The following NRG1 variants were observed in gnomAD, a reference collection of about 807,000 sequenced individuals.
The protein encoded by NRG1 is neuregulin 1.
NRG1 carries 18 observed loss-of-function variants against 63.8 expected under a neutral mutation model. The ratio of observed to expected loss-of-function variants is 0.28; its 90% CI spans 0.19 to 0.42. The LOEUF is 0.42. Ranked by LOEUF, NRG1 falls within the 10% of genes least tolerant of loss-of-function variation. The pLI is 1.00. For synonymous variants in NRG1, 302 were observed against 301.3 expected (o/e 1.00, Z -0.02); for missense variants, 762 against 814.7 (o/e 0.94, Z 0.79).
chr8:32,392,673 C>T (rs1373708180), intron 1 of NRG1, among the ~76,000 whole-genome samples: 1 of 152,156 alleles, frequency 6.6e-6, no homozygotes, highest in East Asian at 1.9e-4. Flanking sequence ...ATTTTAGGAT[C>T]TACTTGATAA....
intron 1 of NRG1, among the ~76,000 whole-genome samples, chr8:32,309,318 C>A (rs1403278156): frequency 1.3e-5 from 2 of 152,122 alleles, no homozygotes; most frequent in African/African-American, 2.4e-5. Context: ...TTTACACCCC[C>A]CCACCCCAAA....
At chr8:32,719,179 G>T (rs1212015104) in intron 5 of NRG1, among the ~76,000 whole-genome samples, 1 of 151,930 alleles carries the variant, frequency 6.6e-6, no homozygotes, top group Non-Finnish European at 1.5e-5. Flanking sequence ...TATCATTCTA[G>T]TTTTACAATA....
chr8:32,366,677 GTATATATATATATATATATATA>G (rs71208175), intron 1 of NRG1, among the ~76,000 whole-genome samples: 2 of 87,522 alleles, frequency 2.3e-5, no homozygotes, highest in East Asian at 3.5e-4. Context: ...GTGTGTGTGT[GTATATATATATATATATATATA>G]TATATATATA....
At position 31,796,459 on chromosome 8, in the gene NRG1, G is replaced by GTCTCGC. The variant is rs1366460348; in HGVS notation, c.37+157032_37+157037dup. The stretch of plus-strand genomic sequence containing the variant: ...TTTTTTTTTTTTTTTTTGAGATGGA[G>GTCTCGC]TCTCGCTCTGTCACCGAGGCTGGAG... On this transcript the variant is annotated intron_variant, in intron 1 of 10. Transcript: ENST00000519301. 7.1e-5 allele frequency among the ~76,000 whole-genome samples: 7 copies of GTCTCGC among 98,352 alleles called. 1 individual carries two copies. In the East Asian group the frequency reaches 1.3e-3, roughly 18 times the overall value. The allele number at this position is 98,352 out of a possible 152,430, so 64.5% of individuals were successfully genotyped here. A position where few individuals can be genotyped will look rare whatever the true frequency, so the allele number is the denominator to read the frequency against.
chr8:32,173,230 C>T (rs1397951425), intron 1 of NRG1, among the ~76,000 whole-genome samples: 1 of 152,066 alleles, frequency 6.6e-6, no homozygotes, highest in African/African-American at 2.4e-5. Flanking sequence ...ATTTCATATC[C>T]AGCCAAACTA....
At chr8:32,017,296 T>C (rs1563683767) in intron 1 of NRG1, among the ~76,000 whole-genome samples, 1 of 152,216 alleles carries the variant, frequency 6.6e-6, no homozygotes, top group Non-Finnish European at 1.5e-5. Context: ...AACTGTATTG[T>C]AGACTCGGAG....
chr8:32,414,959 T>C (rs975562259), intron 1 of NRG1, among the ~76,000 whole-genome samples: 1 of 152,134 alleles, frequency 6.6e-6, no homozygotes, highest in African/African-American at 2.4e-5. Flanking sequence ...ATCTCATCCA[T>C]GTCCTTCATT....
intron 5 of NRG1, among the ~76,000 whole-genome samples, chr8:32,696,143 T>C (rs1484784860): frequency 6.6e-6 from 1 of 152,200 alleles, no homozygotes; most frequent in Non-Finnish European, 1.5e-5. Flanking sequence ...CACTGATCTA[T>C]AATGTGAAGG....
Position 32,210,403 on chromosome 8 carries a change from A to G in NRG1, c.38-385425A>G, listed in dbSNP as rs148716505. ...GTTGAAGACTAAAAGGGAAAAAGCC[A>G]AACACCTTAGTATGCTGTAAAAACA... On this transcript the variant is annotated intron_variant, in intron 1 of 10. Coordinates refer to the NRG1 transcript ENST00000519301. Among the ~76,000 whole-genome samples the G allele has an allele frequency of 3.1e-3, 474 of 152,304 alleles. 1 individual carries two copies. The highest frequency in any genetic ancestry group is 0.024 in the South Asian group (115 of 4,826).
chr8:31,664,593 C>A (rs1806333902), intron 1 of NRG1, among the ~76,000 whole-genome samples: 1 of 152,128 alleles, frequency 6.6e-6, no homozygotes, highest in African/African-American at 2.4e-5. Context: ...GTCAGTATAC[C>A]TGAAACTTTA....
intron 1 of NRG1, among the ~76,000 whole-genome samples, chr8:32,300,721 G>A (rs1855486730): frequency 6.6e-6 from 1 of 152,196 alleles, no homozygotes. Context: ...CACGAGAGAT[G>A]CACATCAGGC....
chr8:32,158,461 A>ATATATATATATATATATATATATATATT (rs1838420092), intron 1 of NRG1, among the ~76,000 whole-genome samples: 1 of 131,688 alleles, frequency 7.6e-6, no homozygotes, highest in Admixed American at 8.2e-5. Flanking sequence ...ATATATATAT[A>ATATATATATATATATATATATATATATT]TATATATATA....
At chr8:31,939,452 G>A (rs1222600111) in intron 1 of NRG1, among the ~76,000 whole-genome samples, 1 of 151,046 alleles carries the variant, frequency 6.6e-6, no homozygotes, top group Non-Finnish European at 1.5e-5. Flanking sequence ...CACCAAAATA[G>A]AACCTCCTTA....
At chr8:31,660,554 T>TTATTATTTGCCC (rs1346592410) in intron 1 of NRG1, among the ~76,000 whole-genome samples, 1 of 152,222 alleles carries the variant, frequency 6.6e-6, no homozygotes, top group Non-Finnish European at 1.5e-5. Flanking sequence ...AAGGAGAGTC[T>TTATTATTTGCCC]TATTATTTGC....
intron 1 of NRG1, among the ~76,000 whole-genome samples, chr8:31,749,725 G>T (rs1816254610): frequency 2.0e-5 from 2 of 101,938 alleles, no homozygotes; most frequent in South Asian, 9.4e-4. Context: ...TACACTGAAG[G>T]TGATATATAT....
chr8:32,609,592 TTCC>T (rs1845971250), intron 3 of NRG1, among the ~76,000 whole-genome samples: 1 of 133,712 alleles, frequency 7.5e-6, no homozygotes, highest in Non-Finnish European at 1.6e-5. Flanking sequence ...CCTTCCTTCC[TTCC>T]TTCCTTCCTT....
intron 5 of NRG1, among the ~76,000 whole-genome samples, chr8:32,662,280 G>T (rs1337051415): frequency 2.0e-5 from 3 of 152,208 alleles, no homozygotes; most frequent in Non-Finnish European, 2.9e-5. Context: ...CCATATGGAA[G>T]AATGTTCCAG....
intron 1 of NRG1, among the ~76,000 whole-genome samples, chr8:32,422,379 A>T (rs1439253182): frequency 1.3e-5 from 2 of 152,202 alleles, no homozygotes; most frequent in African/African-American, 4.8e-5. Flanking sequence ...ATTAAAACAG[A>T]TATCAATATA....
intron 1 of NRG1, among the ~76,000 whole-genome samples, chr8:31,849,758 A>G (rs1443754721): frequency 1.3e-5 from 2 of 152,108 alleles, no homozygotes; most frequent in African/African-American, 2.4e-5. Context: ...AAGAATGCCA[A>G]TTCTTTGTTT....
Sources: gnomAD v4.1 joint callset for allele counts (sites outside exome capture counted in the v4.1 genomes callset) on GRCh38, gnomAD v4.1.1 for gene constraint, MANE v1.5 for transcripts, NCBI Gene and HGNC (gene_info 2026-07-23, HGNC 2026-07-21) for gene names.